The following DLGAP4 variants were observed in gnomAD, a reference collection of about 807,000 sequenced individuals.
DLGAP4 encodes DLG associated protein 4.
A neutral mutation model predicts 86.9 loss-of-function variants in DLGAP4; 18 were observed. The observed-to-expected ratio is 0.21, with a 90% confidence interval of 0.14 to 0.31. DLGAP4 has a LOEUF of 0.31. DLGAP4 is among the 10% of genes least tolerant of loss of function. DLGAP4 has a pLI of 1.00. For missense variants in DLGAP4, 1,085 were observed against 1,362.6 expected (o/e 0.80, Z 3.21); for synonymous variants, 548 against 574.3 (o/e 0.95, Z 0.65).
In DLGAP4 at chr20:36,439,830, G is replaced by A. The variant is rs199556260; in HGVS notation, c.1318G>A (p.Val440Ile). The change falls in exon 5 of 13, where the codon GTC becomes ATC. Residue 440 changes from valine (V) to isoleucine (I), a missense_variant. Coordinates refer to ENST00000339266, the MANE Select transcript of DLGAP4 (RefSeq NM_001365621.2). ...GAGCTGGGAAGAGGACTACACCCCCGTCAGCGACAGCCTCAACGACTCCAG... is the reference window on the plus strand; with the variant it reads ...GAGCTGGGAAGAGGACTACACCCCCATCAGCGACAGCCTCAACGACTCCAG... ...CPSWEEDYTP[V>I]SDSLNDSSCI... 63 of 1,613,540 alleles carry A rather than the reference G, an allele frequency of 3.9e-5. No homozygotes were observed. The highest frequency in any genetic ancestry group is 1.5e-4 in the African/African-American group (11 of 74,932).
At chr20:36,455,140 CCCT>C (rs1291323018) in intron 7 of DLGAP4, among the ~76,000 whole-genome samples, 1 of 151,904 alleles carries the variant, frequency 6.6e-6, no homozygotes, top group Non-Finnish European at 1.5e-5. Flanking sequence ...AGAACAGCCT[CCCT>C]CCTCCTCCCT....
At chr20:36,449,610 A>G (rs2147585147) in intron 7 of DLGAP4, among the ~76,000 whole-genome samples, 1 of 152,284 alleles carries the variant, frequency 6.6e-6, no homozygotes, top group African/African-American at 2.4e-5. Context: ...CCGTGGGTGA[A>G]GGATAACATC....
intron 1 of DLGAP4, among the ~76,000 whole-genome samples, chr20:36,313,632 T>G (rs2065071928): frequency 6.6e-6 from 1 of 152,094 alleles, no homozygotes; most frequent in African/African-American, 2.4e-5. Flanking sequence ...GTCCAGAGAC[T>G]GCTGGGTTGG....
At chr20:36,435,998 T>G (rs1428590873) in intron 3 of DLGAP4, 111 bp from the exon 4 acceptor site, 41 of 1,405,194 alleles carry the variant, frequency 2.9e-5, no homozygotes, top group Non-Finnish European at 3.4e-5. Context: ...ACCCAGCACG[T>G]GAGCCCGAAT....
At chr20:36,339,613 G>A (rs563491328) in intron 1 of DLGAP4, among the ~76,000 whole-genome samples, 6 of 152,354 alleles carry the variant, frequency 3.9e-5, no homozygotes, top group African/African-American at 1.2e-4. Flanking sequence ...CTCCCAAAAC[G>A]CTGGGACTGC....
intron 7 of DLGAP4, among the ~76,000 whole-genome samples, chr20:36,458,939 G>A (rs2033952622): frequency 6.6e-6 from 1 of 152,156 alleles, no homozygotes; most frequent in African/African-American, 2.4e-5. Flanking sequence ...GCTAAGGGGT[G>A]ATGAGAAGGA....
chr20:36,510,129 G>A (rs2036608878), intron 10 of DLGAP4, among the ~76,000 whole-genome samples: 3 of 151,918 alleles, frequency 2.0e-5, no homozygotes, highest in Non-Finnish European at 2.9e-5. Flanking sequence ...GAGCCACCGC[G>A]CCTGGCCTGA....
At chr20:36,398,926 C>T (rs560065764) in intron 2 of DLGAP4, among the ~76,000 whole-genome samples, 95 of 152,330 alleles carry the variant, frequency 6.2e-4, no homozygotes, top group African/African-American at 2.2e-3. Context: ...GGCGCGGTGG[C>T]TCACACCTGT....
intron 1 of DLGAP4, among the ~76,000 whole-genome samples, chr20:36,321,308 T>C (rs1555890508): frequency 6.6e-6 from 1 of 151,958 alleles, no homozygotes; most frequent in African/African-American, 2.4e-5. Flanking sequence ...CATGGGAGAA[T>C]AGGGAGCAAG....
intron 1 of DLGAP4, among the ~76,000 whole-genome samples, chr20:36,319,341 T>C (rs549217025): frequency 3.0e-4 from 45 of 152,232 alleles, no homozygotes; most frequent in Admixed American, 2.4e-3. Flanking sequence ...GATAACAGTG[T>C]CATTGCCTGT....
intron 1 of DLGAP4, among the ~76,000 whole-genome samples, chr20:36,311,204 T>G (rs1248227541): frequency 6.9e-6 from 1 of 145,360 alleles, no homozygotes; most frequent in Non-Finnish European, 1.5e-5. Context: ...TCAGAGTGGT[T>G]GGGTGGCTGC....
At chr20:36,315,805 G>A (rs1053013382) in intron 1 of DLGAP4, among the ~76,000 whole-genome samples, 9 of 152,254 alleles carry the variant, frequency 5.9e-5, no homozygotes, top group Non-Finnish European at 8.8e-5. Context: ...AAGCCTTCCC[G>A]GCACTGGCAT....
chr20:36,512,998 C>A (rs1440607153), intron 10 of DLGAP4, among the ~76,000 whole-genome samples: 3 of 118,092 alleles, frequency 2.5e-5, no homozygotes, highest in Non-Finnish European at 4.8e-5. Flanking sequence ...TTCACCCAGG[C>A]TGGAGTGCAG....
intron 2 of DLGAP4, among the ~76,000 whole-genome samples, chr20:36,430,674 G>A (rs62210510): frequency 7.2e-6 from 1 of 138,750 alleles, no homozygotes; most frequent in Non-Finnish European, 1.6e-5. Flanking sequence ...AAAAAAAAAG[G>A]CCAGGCATGG....
At chr20:36,471,999 G>A (rs1025834026) in intron 7 of DLGAP4, among the ~76,000 whole-genome samples, 2 of 152,150 alleles carry the variant, frequency 1.3e-5, no homozygotes, top group African/African-American at 4.8e-5. Context: ...AACTCAGTCG[G>A]TAGATCCGAG....
intron 1 of DLGAP4, among the ~76,000 whole-genome samples, chr20:36,357,528 A>T (rs1463189563): frequency 1.3e-5 from 2 of 152,232 alleles, no homozygotes; most frequent in African/African-American, 4.8e-5. Flanking sequence ...GCAGGGAGGA[A>T]GAGCATGGCT....
At chr20:36,365,681 T>A (rs2030661549) in intron 1 of DLGAP4, among the ~76,000 whole-genome samples, 1 of 152,244 alleles carries the variant, frequency 6.6e-6, no homozygotes, top group South Asian at 2.1e-4. Context: ...TAAAGCCTGT[T>A]ACAGGTTTGG....
At chr20:36,333,420 G>A (rs2065290385) in intron 1 of DLGAP4, among the ~76,000 whole-genome samples, 3 of 151,924 alleles carry the variant, frequency 2.0e-5, no homozygotes, top group Admixed American at 2.0e-4. Flanking sequence ...TGCCTGATGC[G>A]CCTCTGTGTG....
chr20:36,470,740 A>T (rs1026430542), intron 7 of DLGAP4, among the ~76,000 whole-genome samples: 5 of 151,240 alleles, frequency 3.3e-5, no homozygotes, highest in Non-Finnish European at 7.4e-5. Flanking sequence ...GTCTCTCCCT[A>T]CTTTTCTATA....
Sources: gnomAD v4.1 joint callset for allele counts (sites outside exome capture counted in the v4.1 genomes callset) on GRCh38, gnomAD v4.1.1 for gene constraint, MANE v1.5 for transcripts, NCBI Gene and HGNC (gene_info 2026-07-23, HGNC 2026-07-21) for gene names.